The following NTN1 variants were observed in gnomAD, a reference collection of about 807,000 sequenced individuals.
NTN1 encodes the protein netrin-1.
Under a neutral mutation model 54.2 loss-of-function variants are expected in NTN1, and 11 were observed. The observed-to-expected ratio is 0.20, with a 90% CI of 0.13 to 0.34. The LOEUF (loss-of-function observed/expected upper bound fraction) is 0.34, where lower values mean the gene tolerates loss of function less well. Among genes scored for constraint, NTN1 ranks in the 10% least tolerant of loss-of-function variants. The pLI, the probability that NTN1 is intolerant of heterozygous loss-of-function variation, is 1.00. For missense variants in NTN1, 740 were observed against 893.1 expected (o/e 0.83, Z 2.18); for synonymous variants, 371 against 382.0 (o/e 0.97, Z 0.33).
At chr17:9,008,287 T>C in the NTN1 span, among the ~76,000 whole-genome samples, 6 of 148,514 alleles carry the variant, frequency 4.0e-5, no homozygotes, top group Admixed American at 4.0e-4. Context: ...TCTAGGCAAC[T>C]TTTTAATTTA....
intron 2 of NTN1, among the ~76,000 whole-genome samples, chr17:9,097,958 T>TC (rs371012563): frequency 6.7e-6 from 1 of 150,366 alleles, no homozygotes; most frequent in Non-Finnish European, 1.5e-5. Context: ...TACTCTGACC[T>TC]CCCCCCGAGA....
At chr17:9,065,378 A>T (rs9905180) in intron 2 of NTN1, among the ~76,000 whole-genome samples, 25,909 of 151,934 alleles carry the variant, frequency 0.17, 2,506 homozygotes, top group African/African-American at 0.23. Flanking sequence ...CACATTGCCC[A>T]CCTGTTCTTC....
At chr17:9,230,298 G>A (rs185147809) in intron 6 of NTN1, among the ~76,000 whole-genome samples, 9 of 152,240 alleles carry the variant, frequency 5.9e-5, no homozygotes, top group Admixed American at 2.6e-4. Flanking sequence ...TGATGGCTGC[G>A]AAAGGCCACC....
chr17:9,205,618 G>A (rs1396430401), intron 5 of NTN1, among the ~76,000 whole-genome samples: 1 of 152,230 alleles, frequency 6.6e-6, no homozygotes, highest in East Asian at 1.9e-4. Flanking sequence ...GGGAGACCCT[G>A]TCTCAGAGAG....
chr17:9,213,475 T>G (rs1445258841), intron 5 of NTN1, among the ~76,000 whole-genome samples: 1 of 152,006 alleles, frequency 6.6e-6, no homozygotes, highest in African/African-American at 2.4e-5. Context: ...CCTGGCAGGG[T>G]GGATGGGGTC....
chr17:9,044,265 C>T lies in NTN1; in HGVS notation c.1018+20874C>T, dbSNP rs535862521. The stretch of plus-strand genomic sequence containing the variant: ...TTTTTTCCTTTTTGGGGCGGAGTCT[C>T]ACTCTGCGGCCCAGGCTGGAGTGCA... On this transcript the variant is annotated intron_variant, in intron 2 of 6. Coordinates refer to ENST00000173229, the MANE Select transcript of NTN1 (RefSeq NM_004822.3). 1.1e-4 allele frequency among the ~76,000 whole-genome samples: 16 copies of T among 151,074 alleles called. No homozygotes were observed. In the East Asian group the frequency reaches 2.9e-3, roughly 28 times the overall value.
At chr17:9,180,411 AC>A (rs1198839024) in intron 4 of NTN1, among the ~76,000 whole-genome samples, 4 of 151,390 alleles carry the variant, frequency 2.6e-5, no homozygotes, top group South Asian at 2.1e-4. Context: ...CACGTGGGAG[AC>A]CCCCCAAGCT....
intron 2 of NTN1, among the ~76,000 whole-genome samples, chr17:9,157,075 ATCTT>A (rs1422025185): frequency 4.6e-5 from 7 of 151,374 alleles, no homozygotes; most frequent in African/African-American, 1.5e-4. Context: ...CCATCCATCT[ATCTT>A]CTCTCTTGTT....
At chr17:9,229,707 A>G (rs1905740462) in intron 6 of NTN1, among the ~76,000 whole-genome samples, 1 of 152,122 alleles carries the variant, frequency 6.6e-6, no homozygotes, top group Non-Finnish European at 1.5e-5. Context: ...GGCACTGGGC[A>G]TAGTGGCAGG....
chr17:9,143,842 G>C (rs1302086853), intron 2 of NTN1, among the ~76,000 whole-genome samples: 1 of 152,046 alleles, frequency 6.6e-6, no homozygotes, highest in Non-Finnish European at 1.5e-5. Flanking sequence ...GGTCTCCCTG[G>C]GTCACCCTGT....
At chr17:9,010,878 T>C in the NTN1 span, among the ~76,000 whole-genome samples, 1 of 152,190 alleles carries the variant, frequency 6.6e-6, no homozygotes, top group Non-Finnish European at 1.5e-5. Context: ...GTGCACTTTA[T>C]TTCTATTATT....
chr17:9,021,808 C>T (rs929838935), intron 1 of NTN1, among the ~76,000 whole-genome samples: 61 of 152,122 alleles, frequency 4.0e-4, no homozygotes, highest in Non-Finnish European at 7.1e-4. Context: ...TCTCCGGCGA[C>T]CGGCGCGCGG....
intron 2 of NTN1, among the ~76,000 whole-genome samples, chr17:9,102,984 AG>A (rs1456827378): frequency 6.6e-6 from 1 of 152,052 alleles, no homozygotes; most frequent in Non-Finnish European, 1.5e-5. Flanking sequence ...ACTGTGGAGG[AG>A]GTGGCAGGAG....
chr17:9,227,574 CACAT>C (rs1192405287), intron 6 of NTN1, among the ~76,000 whole-genome samples: 2 of 143,352 alleles, frequency 1.4e-5, no homozygotes, highest in Non-Finnish European at 3.1e-5. Context: ...ATCACACACA[CACAT>C]CACACACGCA....
intron 2 of NTN1, among the ~76,000 whole-genome samples, chr17:9,050,916 G>C (rs1002854622): frequency 1.3e-5 from 2 of 152,172 alleles, no homozygotes; most frequent in East Asian, 3.9e-4. Flanking sequence ...TTTTCTCCAT[G>C]AGTCAGCTCC....
intron 2 of NTN1, among the ~76,000 whole-genome samples, chr17:9,038,528 A>G (rs1345710900): frequency 6.6e-6 from 1 of 151,490 alleles, no homozygotes; most frequent in Non-Finnish European, 1.5e-5. Flanking sequence ...CCCATTTGCA[A>G]CTCCTGGGCT....
chr17:9,202,080 A>G (rs905324100), intron 5 of NTN1, among the ~76,000 whole-genome samples: 2 of 139,250 alleles, frequency 1.4e-5, no homozygotes, highest in African/African-American at 5.6e-5. Context: ...AAAAAAAAAA[A>G]AAAAAAAAAA....
At chr17:9,029,613 T>C (rs531361261) in intron 2 of NTN1, among the ~76,000 whole-genome samples, 1 of 152,396 alleles carries the variant, frequency 6.6e-6, no homozygotes, top group Admixed American at 6.5e-5. Context: ...CACAACTTAG[T>C]GAGCTCAGTA....
At position 9,188,485 on chromosome 17, in the gene NTN1, AAAAAC is replaced by A. The variant is rs971316225; in HGVS notation, c.1411+5521_1411+5525del. ...ATATATTTTGCCACAATTAAAAAAT[AAAAAC>A]AAAAAAGTCAAGTGCTTTGGGTCAG... On this transcript the variant is annotated intron_variant, in intron 5 of 6. Coordinates refer to ENST00000173229, the MANE Select transcript of NTN1 (RefSeq NM_004822.3). Among the ~76,000 whole-genome samples, 7 of 1,672 alleles carry A rather than the reference AAAAAC, an allele frequency of 4.2e-3. 1 individual carries two copies. Among genetic ancestry groups the A allele is most frequent in the African/African-American group, 0.013 (4 of 306 alleles). 1.1% of individuals were successfully genotyped at this position (1,672 alleles called of 152,430 possible). A position where few individuals can be genotyped will look rare whatever the true frequency, so the allele number is the denominator to read the frequency against.
Sources: allele counts gnomAD v4.1 joint callset (sites outside exome capture counted in the v4.1 genomes callset), GRCh38; gene constraint gnomAD v4.1.1; transcripts MANE v1.5; gene names NCBI Gene and HGNC (gene_info 2026-07-23, HGNC 2026-07-21).